Variants in PKP1 observed in about 807,000 individuals in gnomAD.
The protein encoded by PKP1 is plakophilin 1, also known as plakophilin-1.
A neutral mutation model predicts 76.4 loss-of-function variants in PKP1; 27 were observed. That is an observed-to-expected ratio of 0.35 (90% CI 0.26 to 0.49). The LOEUF is 0.49. Among genes scored for constraint, PKP1 ranks in the 20% least tolerant of loss-of-function variants. The probability of loss-of-function intolerance (pLI) is 0.99; values close to 1 mark genes in which losing one functional copy is unlikely to be tolerated. For missense variants in PKP1, 964 were observed against 955.2 expected (o/e 1.01, Z -0.12); for synonymous variants, 404 against 384.2 (o/e 1.05, Z -0.60).
At chr1:201,299,833 C>T (rs1452355794) in intron 2 of PKP1, among the ~76,000 whole-genome samples, 1 of 152,226 alleles carries the variant, frequency 6.6e-6, no homozygotes, top group East Asian at 1.9e-4. Flanking sequence ...ACAGACCCAA[C>T]TCCCTCTTTC....
rs2268147 is a variant in PKP1 at position 201,283,738 on chromosome 1, C to T, written c.36C>T (p.Tyr12=). ...NHSPLKTALA[Y]ECFQDQDNST... The stretch of plus-strand genomic sequence containing the variant: ...CGCCGCTCAAGACCGCCTTGGCGTA[C>T]GAATGCTTCCAGGACCAGGACAACT... Residue 12 remains tyrosine, a synonymous_variant, in exon 1 of 14, where the codon TAC becomes TAT. Coordinates refer to ENST00000367324, the MANE Select transcript of PKP1 (RefSeq NM_001005337.3). 0.1 allele frequency: 167,544 copies of T among 1,613,826 alleles called. 11,496 individuals are homozygous for T. Among genetic ancestry groups the T allele is most frequent in the African/African-American group, 0.34 (25,694 of 74,948 alleles).
At chr1:201,287,355 G>A (rs1233321736) in intron 1 of PKP1, among the ~76,000 whole-genome samples, 8 of 152,174 alleles carry the variant, frequency 5.3e-5, no homozygotes, top group African/African-American at 1.9e-4. Flanking sequence ...CGCCTCAGGA[G>A]CCCCCACTTT....
At chr1:201,319,853 C>A in intron 6 of PKP1, 1 of 1,614,098 alleles carries the variant, frequency 6.2e-7, no homozygotes, top group African/African-American at 1.3e-5. Context: ...GGCTCTTGTT[C>A]CGCAAAGGGC....
intron 2 of PKP1, among the ~76,000 whole-genome samples, chr1:201,296,399 T>C (rs1462995096): frequency 6.6e-6 from 1 of 152,122 alleles, no homozygotes; most frequent in Non-Finnish European, 1.5e-5. Context: ...CACAGGACGA[T>C]GTTATTCCTC....
In PKP1 at chr1:201,283,575, G is replaced by C; in HGVS notation, c.-128G>C. The C allele has an allele frequency of 1.2e-6, 1 of 840,936 alleles. No homozygotes were observed. The highest frequency in any genetic ancestry group is 1.5e-5 in the South Asian group (1 of 68,948). 52.1% of individuals were successfully genotyped at this position (840,936 alleles called of 1,614,324 possible). On this transcript the variant is annotated 5_prime_UTR_variant, in exon 1 of 14. Coordinates refer to ENST00000367324, the MANE Select transcript of PKP1 (RefSeq NM_001005337.3). ...TGCAGGGAGCCCTCACGCGGACCAC[G>C]CACTCTATGGCCGTAGGGAGCCGCT... is the stretch of plus-strand genomic sequence containing the variant.
chr1:201,295,445 A>G (rs1238809908), intron 2 of PKP1, among the ~76,000 whole-genome samples: 1 of 152,238 alleles, frequency 6.6e-6, no homozygotes, highest in Non-Finnish European at 1.5e-5. Context: ...CTGACAGATC[A>G]AGCACAGATG....
At chr1:201,284,312 T>C (rs1176359039) in intron 1 of PKP1, among the ~76,000 whole-genome samples, 1 of 152,232 alleles carries the variant, frequency 6.6e-6, no homozygotes, top group Non-Finnish European at 1.5e-5. Flanking sequence ...CCGGCTGTCC[T>C]GGGGCCCATG....
chr1:201,326,480 C>T (rs971869206), intron 12 of PKP1, among the ~76,000 whole-genome samples: 3 of 152,266 alleles, frequency 2.0e-5, no homozygotes, highest in Non-Finnish European at 4.4e-5. Flanking sequence ...TCTTCTTTCC[C>T]ATTCCTCAGT....
chr1:201,314,305 T>C (rs1656660265), intron 3 of PKP1, among the ~76,000 whole-genome samples: 2 of 151,642 alleles, frequency 1.3e-5, no homozygotes, highest in Admixed American at 1.3e-4. Flanking sequence ...TACAGAAAAA[T>C]ACAAAAATTA....
intron 2 of PKP1, among the ~76,000 whole-genome samples, chr1:201,295,557 C>T (rs1299771417): frequency 2.0e-5 from 3 of 152,250 alleles, no homozygotes; most frequent in African/African-American, 7.2e-5. Flanking sequence ...AGGCAGATCA[C>T]TGCACCAGCA....
At chr1:201,288,517 G>T (rs1029619462) in intron 1 of PKP1, among the ~76,000 whole-genome samples, 2 of 152,172 alleles carry the variant, frequency 1.3e-5, no homozygotes, top group African/African-American at 2.4e-5. Context: ...AAACTCCCAG[G>T]TGATTCTCAT....
chr1:201,301,040 A>G (rs1453910016), intron 2 of PKP1, among the ~76,000 whole-genome samples: 1 of 152,182 alleles, frequency 6.6e-6, no homozygotes, highest in Non-Finnish European at 1.5e-5. Context: ...TAAGCCTCCC[A>G]GGCCTTCATC....
intron 5 of PKP1, 77 bp from the exon 6 acceptor site, chr1:201,318,541 C>A: frequency 7.5e-7 from 1 of 1,326,460 alleles, no homozygotes. Flanking sequence ...TGCCAGAGTC[C>A]AGGCTGGGGC....
In PKP1 at chr1:201,328,773, T is replaced by C; in HGVS notation, c.2118T>C (p.Asp706=). ...LQGVLRQQGF[D]RNMLGTLAGA... is the part of the protein sequence containing the mutation. ...TTCTCCCTTTGCAGCAAGGTTTCGA[T>C]AGGAACATGCTGGGAACCTTAGCTG... Residue 706 remains aspartate (D), a synonymous_variant, in exon 13 of 14, where the codon GAT becomes GAC. Transcript: ENST00000367324. 1 of 1,614,132 alleles carries C rather than the reference T, an allele frequency of 6.2e-7. No homozygotes were observed.
Position 201,324,578 on chromosome 1 carries a change from A to T in PKP1, c.1831A>T (p.Met611Leu), listed in dbSNP as rs1350255074. 9.9e-6 allele frequency: 16 copies of T among 1,613,932 alleles called. 1 individual carries two copies. The African/African-American group carries it at 1.3e-4, about 13-fold the overall frequency. ...CCGCCACCCTCTGCTGCACAGAGTG[A>T]TGGGTAAGGTCCCTCTCTCTCCTCC... is the stretch of plus-strand genomic sequence containing the variant. ...MSRHPLLHRV[M>L]GNQVFPEVTR... The change falls in exon 10 of 14, where the codon ATG (methionine) becomes TTG (leucine). Residue 611 changes from methionine to leucine, a missense_variant. Met to Leu is a conservative substitution (Grantham distance 15). Transcript: ENST00000367324.
chr1:201,293,510 C>T (rs1051745988), intron 1 of PKP1, among the ~76,000 whole-genome samples: 2 of 152,176 alleles, frequency 1.3e-5, no homozygotes, highest in Admixed American at 1.3e-4. Flanking sequence ...AATCTCTAAT[C>T]AGCTGTTGCT....
intron 8 of PKP1, 133 bp downstream of exon 8, chr1:201,322,266 C>A: frequency 2.1e-6 from 2 of 956,388 alleles, no homozygotes; most frequent in Non-Finnish European, 3.1e-6. Context: ...ATGCTGACAC[C>A]TTGGCCTGGG....
At chr1:201,329,248 T>C (rs896598584) in intron 13 of PKP1, among the ~76,000 whole-genome samples, 42 of 152,186 alleles carry the variant, frequency 2.8e-4, no homozygotes, top group Admixed American at 1.3e-4. Context: ...AGCTCACTTT[T>C]TTATCCTTTT....
At position 201,283,682 on chromosome 1, in the gene PKP1, C is replaced by A; in HGVS notation, c.-21C>A. Reference sequence around the variant, plus strand: ...TCTGCTCTCCTAGGCCCCGGCCGCGCGCCACCCGCCTCCCGCCACCATGAA... The same window carrying A: ...TCTGCTCTCCTAGGCCCCGGCCGCGAGCCACCCGCCTCCCGCCACCATGAA... On this transcript the variant is annotated 5_prime_UTR_variant, in exon 1 of 14. Transcript: ENST00000367324. The A allele has an allele frequency of 6.2e-7, 1 of 1,608,656 alleles. No individual in the cohort carries two copies. Among genetic ancestry groups the A allele is most frequent in the Non-Finnish European group, 8.5e-7 (1 of 1,176,940 alleles).
Sources: gnomAD v4.1 joint callset for allele counts (sites outside exome capture counted in the v4.1 genomes callset) on GRCh38, gnomAD v4.1.1 for gene constraint, MANE v1.5 for transcripts, NCBI Gene and HGNC (gene_info 2026-07-23, HGNC 2026-07-21) for gene names.